The following OPCML variants were observed in gnomAD, a reference collection of about 807,000 sequenced individuals.
OPCML encodes the protein opioid binding protein/cell adhesion molecule like.
Under a neutral mutation model 37.8 loss-of-function variants are expected in OPCML, and 13 were observed. That is an observed-to-expected ratio of 0.34 (90% confidence interval 0.22 to 0.55). The LOEUF is 0.55. Among genes scored for constraint, OPCML ranks in the 20% least tolerant of loss-of-function variants. OPCML has a pLI of 0.91. For missense variants in OPCML, 341 were observed against 435.6 expected, an observed-to-expected ratio of 0.78 and a Z score of 1.93; for synonymous variants, 176 against 168.8, an observed-to-expected ratio of 1.04 and a Z score of -0.33.
At chr11:133,478,594 T>C (rs1947297247) in intron 1 of OPCML, among the ~76,000 whole-genome samples, 1 of 152,228 alleles carries the variant, frequency 6.6e-6, no homozygotes, top group African/African-American at 2.4e-5. Context: ...AAGCCATCTT[T>C]CTTCCAGAAG....
intron 1 of OPCML, among the ~76,000 whole-genome samples, chr11:133,068,786 G>A (rs946417288): frequency 6.6e-6 from 1 of 152,170 alleles, no homozygotes; most frequent in Non-Finnish European, 1.5e-5. Context: ...GGTTGGGTTA[G>A]CCCCAGTTCT....
intron 1 of OPCML, chr11:133,024,790 G>T: frequency 1.0e-6 from 1 of 984,864 alleles, no homozygotes; most frequent in South Asian, 4.7e-5. Context: ...AGTGTAAAAT[G>T]ACTCTCCCAG....
Position 133,208,856 on chromosome 11 carries a change from C to G in OPCML, c.62-265846G>C, listed in dbSNP as rs925530040. Among the ~76,000 whole-genome samples the G allele has an allele frequency of 6.6e-6, 1 of 152,170 alleles. No individual in the cohort carries two copies. The highest frequency in any genetic ancestry group is 1.9e-4 in the East Asian group (1 of 5,186). ...TCACGCTATTCCATGACTACCTATT[C>G]TAACTGCTCCCAAAGCACCCCTACT... On this transcript the variant is annotated intron_variant, in intron 1 of 7. Transcript: ENST00000524381. This position sits in a 1 kb window ranked among gnomAD's most constrained non-coding sequence, Gnocchi z 8.9.
At chr11:132,640,958 G>A (rs1298107926) in intron 3 of OPCML, among the ~76,000 whole-genome samples, 1 of 152,144 alleles carries the variant, frequency 6.6e-6, no homozygotes, top group Non-Finnish European at 1.5e-5. Context: ...CCTGGCATAA[G>A]CATTGTGTGT....
chr11:132,854,106 C>T (rs1941940698), intron 2 of OPCML, among the ~76,000 whole-genome samples: 1 of 152,196 alleles, frequency 6.6e-6, no homozygotes, highest in Non-Finnish European at 1.5e-5. Flanking sequence ...ACCACAATCC[C>T]CTTGGGGCAG....
intron 1 of OPCML, among the ~76,000 whole-genome samples, chr11:133,513,289 A>G (rs1948198158): frequency 6.6e-6 from 1 of 152,250 alleles, no homozygotes; most frequent in Non-Finnish European, 1.5e-5. Context: ...TCTGACATTT[A>G]AATGACACAA....
intron 4 of OPCML, among the ~76,000 whole-genome samples, chr11:132,445,784 C>T (rs927617367): frequency 2.0e-5 from 3 of 152,174 alleles, no homozygotes; most frequent in African/African-American, 7.2e-5. Flanking sequence ...TCCAGTTACA[C>T]ATGTATGCTC....
chr11:133,185,734 C>T (rs80033352), intron 1 of OPCML, among the ~76,000 whole-genome samples: 6,191 of 152,216 alleles, frequency 0.041, 207 homozygotes, highest in African/African-American at 0.097. Context: ...GATCTGGTGC[C>T]TTTCTTTGGT....
At chr11:133,336,296 G>T (rs1943742201) in intron 1 of OPCML, among the ~76,000 whole-genome samples, 1 of 152,000 alleles carries the variant, frequency 6.6e-6, no homozygotes, top group Non-Finnish European at 1.5e-5. Context: ...GAGGCCAGGA[G>T]CCAAACAGGT....
intron 1 of OPCML, among the ~76,000 whole-genome samples, chr11:133,037,887 C>T (rs1486072086): frequency 6.6e-6 from 1 of 152,228 alleles, no homozygotes; most frequent in South Asian, 2.1e-4. Context: ...CCTAACTGAG[C>T]GTCTCTCACA....
intron 3 of OPCML, among the ~76,000 whole-genome samples, chr11:132,635,328 C>T (rs1042554322): frequency 4.6e-5 from 7 of 152,206 alleles, no homozygotes; most frequent in Non-Finnish European, 8.8e-5. Flanking sequence ...ATTTCCAATT[C>T]GATTCCTCCC....
chr11:132,678,705 T>C (rs943240639), intron 2 of OPCML, among the ~76,000 whole-genome samples: 2 of 152,164 alleles, frequency 1.3e-5, no homozygotes, highest in African/African-American at 4.8e-5. Flanking sequence ...AGAAAAACCA[T>C]CAGTGGCTAT....
intron 1 of OPCML, among the ~76,000 whole-genome samples, chr11:133,363,505 A>G (rs1170503188): frequency 1.3e-5 from 2 of 152,192 alleles, no homozygotes; most frequent in African/African-American, 4.8e-5. Flanking sequence ...CTTCTTTAAT[A>G]CTACTTAAAA....
intron 3 of OPCML, among the ~76,000 whole-genome samples, chr11:132,537,601 T>A (rs1227371859): frequency 6.6e-6 from 1 of 152,164 alleles, no homozygotes; most frequent in Non-Finnish European, 1.5e-5. Flanking sequence ...AAATTAAAAG[T>A]GTTTGTGCTT....
At chr11:132,816,863 A>G (rs10750514) in intron 2 of OPCML, among the ~76,000 whole-genome samples, 149,354 of 152,284 alleles carry the variant, frequency 0.98, 73,248 homozygotes, top group African/African-American at 1. Context: ...AATAAACAAG[A>G]AGAGCTTCAG....
chr11:132,986,607 C>T lies in OPCML; in HGVS notation c.62-43597G>A, dbSNP rs186577307. Among the ~76,000 whole-genome samples, 299 of 152,014 alleles carry T rather than the reference C, an allele frequency of 2.0e-3. 6 individuals carry two copies. Among genetic ancestry groups the T allele is most frequent in the Non-Finnish European group, 4.7e-4 (32 of 67,974 alleles). ...GTTTTGAATGAAATCAAGGAATCCT[C>T]GAACAAATAAATAATTTGGAAATAA... On this transcript the variant is annotated intron_variant, in intron 1 of 7. Transcript: ENST00000524381.
chr11:132,807,852 A>T (rs1939104600), intron 2 of OPCML, among the ~76,000 whole-genome samples: 1 of 152,216 alleles, frequency 6.6e-6, no homozygotes. Flanking sequence ...ATGGATTAAT[A>T]CCACTCTCAA....
intron 1 of OPCML, chr11:133,118,139 C>A (rs1434830302): frequency 1.2e-6 from 1 of 803,016 alleles, no homozygotes; most frequent in Non-Finnish European, 1.5e-6. Context: ...TTCTGGACTG[C>A]AGGAACTACT....
At chr11:132,671,384 T>C (rs917192066) in intron 2 of OPCML, among the ~76,000 whole-genome samples, 2 of 152,136 alleles carry the variant, frequency 1.3e-5, no homozygotes, top group African/African-American at 4.8e-5. Context: ...AGATATTCCC[T>C]GGAGGCAATA....
Sources: allele counts gnomAD v4.1 joint callset (sites outside exome capture counted in the v4.1 genomes callset), GRCh38; gene constraint gnomAD v4.1.1; non-coding constraint Gnocchi (gnomAD v3.1); transcripts MANE v1.5; gene names NCBI Gene and HGNC (gene_info 2026-07-23, HGNC 2026-07-21).